The following FLNB variants were observed in gnomAD, a reference collection of about 807,000 sequenced individuals.
FLNB encodes filamin B.
In FLNB, 111 loss-of-function variants were observed where a neutral mutation model predicts 250.6. The observed-to-expected ratio is 0.44, with a 90% CI of 0.38 to 0.52. The LOEUF is 0.52. FLNB is among the 20% of genes least tolerant of loss of function. The pLI, the probability that FLNB is intolerant of heterozygous loss-of-function variation, is 0.00. For synonymous variants in FLNB, 1,302 were observed against 1,372.1 expected (o/e 0.95, Z 1.13); for missense variants, 2,869 against 3,447.8 (o/e 0.83, Z 4.20).
Position 58,078,812 on chromosome 3 carries a change from C to T in FLNB, c.637C>T (p.Gln213Ter). The change falls in exon 3 of 46, where the codon CAG becomes TAG. Residue 213 changes from glutamine to a stop codon, truncating the protein, a stop_gained and splice_region_variant. Coordinates refer to ENST00000295956, the MANE Select transcript of FLNB (RefSeq NM_001457.4). LOFTEE classifies it high-confidence loss of function. The stretch of plus-strand genomic sequence containing the variant: ...GGCAGATGACTGGCTGGGTGTCCCA[C>T]AGGTATGCACAAGTGTGCCAGGTCC... ...QQADDWLGVP[Q>*]VITPEEIIHP... 1.2e-6 allele frequency: 2 copies of T among 1,610,658 alleles called. No homozygotes were observed. Among genetic ancestry groups the T allele is most frequent in the African/African-American group, 1.3e-5 (1 of 74,998 alleles).
chr3:58,121,338 G>A lies in FLNB; in HGVS notation c.2961G>A (p.Lys987=). 1 of 1,614,214 alleles carries A rather than the reference G, an allele frequency of 6.2e-7. No individual in the cohort carries two copies. The highest frequency in any genetic ancestry group is 8.5e-7 in the Non-Finnish European group (1 of 1,180,042). Residue 987 remains lysine (K), a synonymous_variant, in exon 20 of 46, where the codon AAG becomes AAA. Coordinates refer to ENST00000295956, the MANE Select transcript of FLNB (RefSeq NM_001457.4). The part of the protein sequence containing the change: ...LDVTILSPSR[K]VVPCLVTPVT... Reference sequence around the variant, plus strand: ...TGACAATCCTCAGCCCCTCTCGGAAGGTCGTGCCATGCCTAGTGACACCTG... The same window carrying A: ...TGACAATCCTCAGCCCCTCTCGGAAAGTCGTGCCATGCCTAGTGACACCTG...
intron 18 of FLNB, among the ~76,000 whole-genome samples, chr3:58,117,130 C>A (rs79822012): frequency 3.9e-5 from 6 of 152,104 alleles, no homozygotes; most frequent in African/African-American, 1.2e-4. Context: ...TTGCAGCCTG[C>A]GAAGTCGTGG....
chr3:58,111,890 G>T lies in FLNB; in HGVS notation c.2575+9G>T. The T allele has an allele frequency of 6.2e-7, 1 of 1,610,734 alleles. No individual in the cohort carries two copies. Among genetic ancestry groups the T allele is most frequent in the Non-Finnish European group, 8.5e-7 (1 of 1,176,934 alleles). ...AGGGCTCAGCAAAGCAGGTAAGATG[G>T]CACGTCTAGGTTGTCCTGGGCCCCT... On this transcript the variant is annotated intron_variant, in intron 17 of 45. Transcript: ENST00000295956.
chr3:58,024,211 A>G (rs2097119323), intron 1 of FLNB, among the ~76,000 whole-genome samples: 1 of 152,196 alleles, frequency 6.6e-6, no homozygotes, highest in South Asian at 2.1e-4. Context: ...GGAGTGCTTC[A>G]GAGCATGGGT....
chr3:58,062,534 A>G (rs1198083110), intron 1 of FLNB, among the ~76,000 whole-genome samples: 1 of 152,162 alleles, frequency 6.6e-6, no homozygotes, highest in East Asian at 1.9e-4. Context: ...TCCCATTAGA[A>G]AAAGAAATCA....
intron 1 of FLNB, among the ~76,000 whole-genome samples, chr3:58,075,558 T>C (rs1422775013): frequency 2.0e-5 from 3 of 152,038 alleles, no homozygotes; most frequent in Non-Finnish European, 4.4e-5. Context: ...TGAGGTGCTG[T>C]GTATGTTTAA....
chr3:58,133,363 G>A (rs1472765732), intron 26 of FLNB, among the ~76,000 whole-genome samples: 1 of 142,506 alleles, frequency 7.0e-6, no homozygotes, highest in Non-Finnish European at 1.5e-5. Flanking sequence ...TTGGGAGACT[G>A]AGATGAGAGG....
chr3:58,141,234 C>T (rs1433823225), intron 29 of FLNB, among the ~76,000 whole-genome samples: 1 of 152,196 alleles, frequency 6.6e-6, no homozygotes, highest in Non-Finnish European at 1.5e-5. Context: ...GCCTGGATGA[C>T]AGAGCAAAAC....
chr3:58,075,040 G>A (rs919100857), intron 1 of FLNB, among the ~76,000 whole-genome samples: 6 of 151,994 alleles, frequency 3.9e-5, no homozygotes, highest in Non-Finnish European at 2.9e-5. Flanking sequence ...TTTGCAAGAG[G>A]ATATAACAAT....
At chr3:58,159,015 A>G (rs1053760185) in intron 41 of FLNB, among the ~76,000 whole-genome samples, 2 of 151,862 alleles carry the variant, frequency 1.3e-5, no homozygotes, top group Admixed American at 1.3e-4. Flanking sequence ...CCCTAGATAT[A>G]TAGCTAGGAA....
At chr3:58,170,192 G>C (rs1308565460) in intron 45 of FLNB, among the ~76,000 whole-genome samples, 1 of 152,206 alleles carries the variant, frequency 6.6e-6, no homozygotes, top group Non-Finnish European at 1.5e-5. Context: ...TAAGGTGCTT[G>C]TGAGAGTAAA....
intron 9 of FLNB, among the ~76,000 whole-genome samples, chr3:58,103,265 GGT>G (rs10571409): frequency 0.35 from 52,150 of 147,880 alleles, 10,545 homozygotes; most frequent in East Asian, 0.89. Flanking sequence ...AGCCAAGGAG[GGT>G]GTGTGTGTGT....
intron 33 of FLNB, 112 bp downstream of exon 33, chr3:58,146,161 C>CT: frequency 8.4e-7 from 1 of 1,192,930 alleles, no homozygotes; most frequent in Non-Finnish European, 1.2e-6. Flanking sequence ...TAGTATTTGT[C>CT]TTGTCTTTTC....
At chr3:58,156,529 G>A in intron 41 of FLNB, among the ~76,000 whole-genome samples, 1 of 152,168 alleles carries the variant, frequency 6.6e-6, no homozygotes, top group Non-Finnish European at 1.5e-5. Context: ...TATATTAAGA[G>A]CTTTATCAGT....
chr3:58,152,698 C>CAG (rs1559733305), intron 38 of FLNB: 1 of 1,283,798 alleles, frequency 7.8e-7, no homozygotes, highest in Non-Finnish European at 1.0e-6. Context: ...CTTCCCTTTT[C>CAG]TGTCCTCAGG....
Position 58,121,224 on chromosome 3 carries a change from T to C in FLNB, c.2864-17T>C. The C allele has an allele frequency of 1.2e-6, 2 of 1,614,198 alleles. No homozygotes were observed. The highest frequency in any genetic ancestry group is 2.2e-5 in the East Asian group (1 of 44,888). ...AAAAGGGTCAGCTCTTCACCTCAGC[T>C]TGTGTTTCTTTTCCAGGGGTGGAAG... On this transcript the variant is annotated splice_polypyrimidine_tract_variant and intron_variant, in intron 19 of 45. Transcript: ENST00000295956.
intron 2 of FLNB, chr3:58,078,381 T>G (rs2097204530): frequency 6.6e-7 from 1 of 1,523,638 alleles, no homozygotes; most frequent in African/African-American, 1.4e-5. Context: ...TATCCAGGAA[T>G]AGAGTAAAAA....
At chr3:58,029,580 C>G (rs1442541108) in intron 1 of FLNB, among the ~76,000 whole-genome samples, 2 of 151,666 alleles carry the variant, frequency 1.3e-5, no homozygotes, top group Non-Finnish European at 2.9e-5. Context: ...TCTCGGCTCA[C>G]TGCAGTCTTC....
chr3:58,132,106 C>T, intron 25 of FLNB: 1 of 857,006 alleles, frequency 1.2e-6, no homozygotes, highest in South Asian at 1.5e-5. Flanking sequence ...CCTGCCTCAT[C>T]TGCTTTGCTT....
Sources: allele counts gnomAD v4.1 joint callset (sites outside exome capture counted in the v4.1 genomes callset), GRCh38; gene constraint gnomAD v4.1.1; transcripts MANE v1.5; gene names NCBI Gene and HGNC (gene_info 2026-07-23, HGNC 2026-07-21).